TMEM117: variants seen among roughly 807,000 people sequenced by gnomAD.
TMEM117 encodes transmembrane protein 117.
In TMEM117, 27 loss-of-function variants were observed where a neutral mutation model predicts 52.4. The ratio of observed to expected loss-of-function variants is 0.51; its 90% CI spans 0.38 to 0.71. TMEM117 has a LOEUF of 0.71. Ranked by LOEUF, TMEM117 falls within the 30% of genes least tolerant of loss-of-function variation. The pLI is 0.00. For synonymous variants in TMEM117, 215 were observed against 206.3 expected (o/e 1.04, Z -0.36); for missense variants, 556 against 630.5 (o/e 0.88, Z 1.26).
intron 3 of TMEM117, among the ~76,000 whole-genome samples, chr12:44,115,334 G>C (rs554923206): frequency 1.3e-5 from 2 of 152,272 alleles, no homozygotes; most frequent in East Asian, 3.9e-4. Context: ...GGGAGGGATA[G>C]CATTAGGAGA....
At chr12:44,295,329 G>A (rs896089157) in intron 5 of TMEM117, among the ~76,000 whole-genome samples, 8 of 152,080 alleles carry the variant, frequency 5.3e-5, no homozygotes, top group East Asian at 1.9e-4. Context: ...TCAGCCTCCC[G>A]AGTAGCTGGG....
chr12:44,344,819 A>G (rs1350793506), intron 6 of TMEM117, among the ~76,000 whole-genome samples: 1 of 152,046 alleles, frequency 6.6e-6, no homozygotes. Flanking sequence ...TCATGCTGTC[A>G]TTGCTACATA....
intron 3 of TMEM117, among the ~76,000 whole-genome samples, chr12:44,045,346 G>A (rs1946864228): frequency 6.6e-6 from 1 of 152,166 alleles, no homozygotes; most frequent in Non-Finnish European, 1.5e-5. Flanking sequence ...TAGTTACCTG[G>A]TAGTAGGTTG....
At chr12:44,186,302 A>G (rs950477925) in intron 4 of TMEM117, among the ~76,000 whole-genome samples, 3 of 152,188 alleles carry the variant, frequency 2.0e-5, no homozygotes, top group Non-Finnish European at 4.4e-5. Context: ...GCCTCAAAGA[A>G]AGTAATCAGA....
At chr12:44,117,288 A>T (rs2138126450) in intron 3 of TMEM117, among the ~76,000 whole-genome samples, 1 of 152,112 alleles carries the variant, frequency 6.6e-6, no homozygotes, top group South Asian at 2.1e-4. Flanking sequence ...TCATCTTTTA[A>T]ATGTCAATTC....
At chr12:43,994,563 C>G (rs908906740) in intron 3 of TMEM117, among the ~76,000 whole-genome samples, 1 of 151,924 alleles carries the variant, frequency 6.6e-6, no homozygotes, top group African/African-American at 2.4e-5. Context: ...ATCAACAAAA[C>G]AGTAGTAAAA....
chr12:43,843,892 A>T (rs1238790421), intron 1 of TMEM117, among the ~76,000 whole-genome samples: 1 of 152,208 alleles, frequency 6.6e-6, no homozygotes, highest in Non-Finnish European at 1.5e-5. Context: ...TACATTTGTC[A>T]ATGTTTAGAA....
chr12:43,988,744 C>G (rs987752531), intron 3 of TMEM117, among the ~76,000 whole-genome samples: 2 of 151,808 alleles, frequency 1.3e-5, no homozygotes, highest in Admixed American at 6.6e-5. Context: ...AATGTTTACC[C>G]CATAAATTTA....
intron 3 of TMEM117, among the ~76,000 whole-genome samples, chr12:44,079,032 G>A (rs1947433521): frequency 6.6e-6 from 1 of 152,056 alleles, no homozygotes; most frequent in Non-Finnish European, 1.5e-5. Flanking sequence ...TCCCTGCAAA[G>A]GACATGAACT....
intron 3 of TMEM117, among the ~76,000 whole-genome samples, chr12:44,018,640 C>G (rs568589060): frequency 1.3e-5 from 2 of 152,034 alleles, no homozygotes; most frequent in Non-Finnish European, 2.9e-5. Context: ...TTAAGCAACT[C>G]CTAGGACCTT....
At chr12:43,870,942 G>A (rs1943693505) in intron 2 of TMEM117, among the ~76,000 whole-genome samples, 1 of 151,318 alleles carries the variant, frequency 6.6e-6, no homozygotes. Context: ...CTGCCATCAC[G>A]CCTGGCTAGT....
rs529269355 is a variant in TMEM117, at chr12:43,883,377, G to A, written c.277+38449G>A. 7.2e-5 allele frequency among the ~76,000 whole-genome samples: 11 copies of A among 152,136 alleles called. No individual in the cohort carries two copies. In the South Asian group the frequency reaches 8.3e-4, roughly 11 times the overall value. On this transcript the variant is annotated intron_variant, in intron 2 of 7. Coordinates refer to ENST00000266534, the MANE Select transcript of TMEM117 (RefSeq NM_032256.3). ...ATTCAAGTCATATCTCTTCATCACC[G>A]CATTTCATATACAAAGCCTGCCAAA...
chr12:44,374,917 G>C (rs1951919889), intron 6 of TMEM117, among the ~76,000 whole-genome samples: 1 of 151,980 alleles, frequency 6.6e-6, no homozygotes, highest in Non-Finnish European at 1.5e-5. Flanking sequence ...TTTATGCAGG[G>C]CAAGTGAAAG....
At chr12:44,374,748 T>C (rs922905018) in intron 6 of TMEM117, among the ~76,000 whole-genome samples, 23 of 152,196 alleles carry the variant, frequency 1.5e-4, no homozygotes, top group Non-Finnish European at 2.5e-4. Context: ...TAGAAAACTT[T>C]AGTTTCATTG....
chr12:44,173,663 A>G (rs1949080419), intron 4 of TMEM117, among the ~76,000 whole-genome samples: 1 of 151,954 alleles, frequency 6.6e-6, no homozygotes, highest in South Asian at 2.1e-4. Context: ...ATGTTTCTCT[A>G]TCAGATTTTC....
intron 4 of TMEM117, among the ~76,000 whole-genome samples, chr12:44,167,654 G>A (rs947005909): frequency 2.0e-5 from 3 of 152,086 alleles, no homozygotes; most frequent in African/African-American, 2.4e-5. Flanking sequence ...GCGACAGGGC[G>A]AGACTCTGTC....
intron 3 of TMEM117, among the ~76,000 whole-genome samples, chr12:44,066,665 TA>T (rs1031964784): frequency 4.5e-4 from 68 of 151,456 alleles, no homozygotes; most frequent in Non-Finnish European, 8.7e-4. Context: ...ATAACTCAGT[TA>T]AAAAAACTTA....
chr12:44,145,394 T>C (rs1310219228), intron 4 of TMEM117, among the ~76,000 whole-genome samples: 1 of 152,096 alleles, frequency 6.6e-6, no homozygotes, highest in Non-Finnish European at 1.5e-5. Flanking sequence ...CCTGACCACC[T>C]ATGGTTCGAC....
intron 6 of TMEM117, among the ~76,000 whole-genome samples, chr12:44,327,543 G>T (rs140751883): frequency 8.5e-5 from 13 of 152,128 alleles, no homozygotes; most frequent in Admixed American, 2.0e-4. Flanking sequence ...GTGCCTGCAT[G>T]TTTTTGCATA....
Sources: allele counts gnomAD v4.1 joint callset (sites outside exome capture counted in the v4.1 genomes callset), GRCh38; gene constraint gnomAD v4.1.1; transcripts MANE v1.5; gene names NCBI Gene and HGNC (gene_info 2026-07-23, HGNC 2026-07-21).